The following SERINC5 variants were observed in gnomAD, a reference collection of about 807,000 sequenced individuals.
SERINC5 encodes chromosome 5 open reading frame 12.
SERINC5 carries 41 observed loss-of-function variants against 63.1 expected under a neutral mutation model. That is an observed-to-expected ratio of 0.65 (90% CI 0.51 to 0.84). SERINC5 has a LOEUF of 0.84. Among genes scored for constraint, SERINC5 ranks in the 40% least tolerant of loss-of-function variants. SERINC5 has a pLI of 0.00. For missense variants in SERINC5, 523 were observed against 573.0 expected (o/e 0.91, Z 0.89); for synonymous variants, 222 against 215.2 (o/e 1.03, Z -0.28).
chr5:80,179,143 A>G (rs1367950207), intron 2 of SERINC5, among the ~76,000 whole-genome samples: 1 of 152,128 alleles, frequency 6.6e-6, no homozygotes, highest in Non-Finnish European at 1.5e-5. Flanking sequence ...TACTAAAAAT[A>G]CAATAATGAG....
chr5:80,166,766 A>C (rs1347261276), intron 6 of SERINC5: 1 of 242,222 alleles, frequency 4.1e-6, no homozygotes, highest in Non-Finnish European at 8.2e-6. Context: ...CACACTAACT[A>C]GTCTCCCTGA....
chr5:80,167,525 T>C (rs1474520201), intron 6 of SERINC5, among the ~76,000 whole-genome samples: 1 of 152,222 alleles, frequency 6.6e-6, no homozygotes, highest in Non-Finnish European at 1.5e-5. Context: ...ATATCTTTGC[T>C]ATTGTGAATG....
chr5:80,203,088 T>C, intron 1 of SERINC5, 35 bp from the exon 2 acceptor site: 1 of 1,544,738 alleles, frequency 6.5e-7, no homozygotes, highest in South Asian at 1.2e-5. Context: ...GCTTAGAGCA[T>C]GATACTGTGA....
rs201214534 is a variant in SERINC5 at position 80,178,035 on chromosome 5, G to A, written c.225C>T (p.Gly75=). Residue 75 remains glycine, a synonymous_variant, in exon 3 of 12, where the codon GGC becomes GGT. Coordinates refer to ENST00000507668, the MANE Select transcript of SERINC5 (RefSeq NM_001174072.3). ...TCTCACAGGTGTCACCAGCTTTAAT[G>A]CCTTTACACATATCTTCAAAAAAAG... ...HIPFFEDMCK[G]IKAGDTCEKL... is the part of the protein sequence containing the mutation. 6.3e-5 allele frequency: 101 copies of A among 1,604,160 alleles called. No homozygotes were observed. Among genetic ancestry groups the A allele is most frequent in the Non-Finnish European group, 8.2e-5 (96 of 1,177,164 alleles).
intron 11 of SERINC5, among the ~76,000 whole-genome samples, chr5:80,122,112 G>A (rs1744566485): frequency 6.6e-6 from 1 of 151,406 alleles, no homozygotes; most frequent in South Asian, 2.1e-4. Flanking sequence ...CTCATATGGT[G>A]TAAATTGCAA....
Position 80,141,755 on chromosome 5 carries a change from C to A in SERINC5, c.*1908G>T. 1 of 985,384 alleles carries A rather than the reference C, an allele frequency of 1.0e-6. No homozygotes were observed. The highest frequency in any genetic ancestry group is 1.2e-6 in the Non-Finnish European group (1 of 829,902). The allele number at this position is 985,384 out of a possible 1,614,324, so 61.0% of individuals were successfully genotyped here. A position where few individuals can be genotyped will look rare whatever the true frequency, so the allele number is the denominator to read the frequency against. ...GAACACGGCTTTTCATTTTGCGACT[C>A]CAGATGAATCTTTTAACTGCTGAGT... On this transcript the variant is annotated 3_prime_UTR_variant, in exon 12 of 12. Coordinates refer to ENST00000507668, the MANE Select transcript of SERINC5 (RefSeq NM_001174072.3).
At chr5:80,209,635 G>A (rs1750338864) in intron 1 of SERINC5, among the ~76,000 whole-genome samples, 1 of 152,232 alleles carries the variant, frequency 6.6e-6, no homozygotes, top group Non-Finnish European at 1.5e-5. Context: ...AGGCCTAGAT[G>A]TGGGGAAGAA....
At chr5:80,116,907 C>T (rs140817522) in intron 11 of SERINC5, among the ~76,000 whole-genome samples, 9 of 151,960 alleles carry the variant, frequency 5.9e-5, no homozygotes, top group Non-Finnish European at 1.2e-4. Context: ...CGGCTCACTG[C>T]AACCTCTGAC....
intron 5 of SERINC5, among the ~76,000 whole-genome samples, chr5:80,173,282 A>AAGG (rs1561393315): frequency 2.1e-5 from 3 of 145,570 alleles, no homozygotes; most frequent in African/African-American, 7.8e-5. Flanking sequence ...AGGAAGGAAG[A>AAGG]AAATGAAATG....
At chr5:80,190,015 A>G (rs1749081951) in intron 2 of SERINC5, among the ~76,000 whole-genome samples, 1 of 151,926 alleles carries the variant, frequency 6.6e-6, no homozygotes, top group Non-Finnish European at 1.5e-5. Flanking sequence ...CTCAGCCAAA[A>G]TTAGCTTGCT....
At position 80,140,163 on chromosome 5, in the gene SERINC5, A is replaced by G; in HGVS notation, c.*3500T>C. 1.3e-6 allele frequency: 1 copy of G among 771,418 alleles called. No individual in the cohort carries two copies. The highest frequency in any genetic ancestry group is 1.6e-6 in the Non-Finnish European group (1 of 635,126). The allele number at this position is 771,418 out of a possible 1,614,324, so 47.8% of individuals were successfully genotyped here. On this transcript the variant is annotated 3_prime_UTR_variant, in exon 12 of 12. Coordinates refer to ENST00000507668, the MANE Select transcript of SERINC5 (RefSeq NM_001174072.3). ...TGGACAACCCCATCTCTACAAAAAA[A>G]TAAAAATCGGCCAGGTGTGATGGGG...
At chr5:80,240,332 T>C (rs933333801) in intron 1 of SERINC5, among the ~76,000 whole-genome samples, 4 of 152,226 alleles carry the variant, frequency 2.6e-5, no homozygotes, top group African/African-American at 7.2e-5. Flanking sequence ...TTCCACAAGG[T>C]AATTTGAAGA....
In SERINC5 at chr5:80,143,680, G is replaced by A. The variant is rs770748569; in HGVS notation, c.1369C>T (p.Arg457Trp). ...TLVAPLCCPT[R>W]EFSV ...CGATATCATCACACAGAGAACTCCCGGGTGGGGCAGCAGAGGGGAGCGACC... is the reference window on the plus strand; with the variant it reads ...CGATATCATCACACAGAGAACTCCCAGGTGGGGCAGCAGAGGGGAGCGACC... Residue 457 changes from arginine to tryptophan, a missense_variant, in exon 12 of 12, where the codon CGG becomes TGG. Transcript: ENST00000507668. 52 of 1,535,918 alleles carry A rather than the reference G, an allele frequency of 3.4e-5. No homozygotes were observed. Among genetic ancestry groups the A allele is most frequent in the South Asian group, 7.1e-5 (6 of 84,062 alleles).
chr5:80,187,892 G>A (rs1748921042), intron 2 of SERINC5, among the ~76,000 whole-genome samples: 1 of 152,128 alleles, frequency 6.6e-6, no homozygotes, highest in Non-Finnish European at 1.5e-5. Context: ...ACAACTCCCA[G>A]AAGACTGACT....
At chr5:80,224,133 C>CAA (rs33915521) in intron 1 of SERINC5, among the ~76,000 whole-genome samples, 35,681 of 101,614 alleles carry the variant, frequency 0.35, 6,350 homozygotes, top group African/African-American at 0.42. Flanking sequence ...AACTCCGTCT[C>CAA]AAAAAAAAAA....
At chr5:80,235,895 C>T (rs1051856593) in intron 1 of SERINC5, among the ~76,000 whole-genome samples, 1 of 152,184 alleles carries the variant, frequency 6.6e-6, no homozygotes, top group African/African-American at 2.4e-5. Flanking sequence ...TATAAGAACA[C>T]TGTGCAAATT....
intron 7 of SERINC5, among the ~76,000 whole-genome samples, chr5:80,164,191 T>C (rs1460565234): frequency 6.6e-6 from 1 of 152,134 alleles, no homozygotes; most frequent in Non-Finnish European, 1.5e-5. Context: ...GTTATTATTG[T>C]GATTTTTCCT....
intron 7 of SERINC5, among the ~76,000 whole-genome samples, chr5:80,160,361 A>G (rs115535405): frequency 1.9e-3 from 291 of 152,332 alleles, no homozygotes; most frequent in African/African-American, 6.7e-3. Context: ...CCTTTTACCT[A>G]ACATGGAGTC....
rs376013647 is a variant in SERINC5 at position 80,125,210 on chromosome 5, A to G, written c.1239-11585T>C. Among the ~76,000 whole-genome samples the G allele has an allele frequency of 2.7e-4, 41 of 152,364 alleles. No homozygotes were observed. The East Asian group carries it at 4.6e-3, about 17-fold the overall frequency. On this transcript the variant is annotated intron_variant, in intron 11 of 12. Coordinates refer to the SERINC5 transcript ENST00000509193. ...AGGTATACAATGATAAAACAAACAC[A>G]AAAACCAAAACCACAATCTCTACCC...
Sources: allele counts gnomAD v4.1 joint callset (sites outside exome capture counted in the v4.1 genomes callset), GRCh38; gene constraint gnomAD v4.1.1; transcripts MANE v1.5; gene names NCBI Gene and HGNC (gene_info 2026-07-23, HGNC 2026-07-21).